PHACTR3: variants seen among roughly 807,000 people sequenced by gnomAD.
The protein encoded by PHACTR3 is phosphatase and actin regulator 3, also known as protein phosphatase 1, regulatory subunit 123.
Under a neutral mutation model 66.8 loss-of-function variants are expected in PHACTR3, and 16 were observed. That is an observed-to-expected ratio of 0.24 (90% CI 0.16 to 0.36). PHACTR3 has a LOEUF of 0.36. Among genes scored for constraint, PHACTR3 ranks in the 10% least tolerant of loss-of-function variants. The pLI is 1.00. For missense variants in PHACTR3, 647 were observed against 719.9 expected, an observed-to-expected ratio of 0.90 and a Z score of 1.16; for synonymous variants, 323 against 292.1, an observed-to-expected ratio of 1.11 and a Z score of -1.08.
intron 8 of PHACTR3, among the ~76,000 whole-genome samples, chr20:59,827,091 C>T (rs927343027): frequency 6.6e-6 from 1 of 152,040 alleles, no homozygotes; most frequent in African/African-American, 2.4e-5. Context: ...CTGGATGTCC[C>T]TTGGTGTCCA....
chr20:59,629,136 G>T (rs4812119), intron 1 of PHACTR3, among the ~76,000 whole-genome samples: 1 of 152,102 alleles, frequency 6.6e-6, no homozygotes. Flanking sequence ...ATAATGAGGC[G>T]CCAGGCCCCT....
chr20:59,786,756 T>C lies in PHACTR3; in HGVS notation c.1174+12266T>C, dbSNP rs1367888552. Reference sequence around the variant, plus strand: ...GTCCATGGAGCTCTTTCTGTGCAGTTGACAGATGTCCGTGGAGCTCTCTCT... The same window carrying C: ...GTCCATGGAGCTCTTTCTGTGCAGTCGACAGATGTCCGTGGAGCTCTCTCT... On this transcript the variant is annotated intron_variant, in intron 7 of 12. Transcript: ENST00000371015. 2.6e-5 allele frequency among the ~76,000 whole-genome samples: 4 copies of C among 151,866 alleles called. No individual in the cohort carries two copies. The East Asian group carries it at 7.7e-4, about 29-fold the overall frequency.
intron 4 of PHACTR3, among the ~76,000 whole-genome samples, chr20:59,761,889 C>T (rs1055821396): frequency 1.3e-5 from 2 of 152,250 alleles, no homozygotes; most frequent in African/African-American, 4.8e-5. Flanking sequence ...TCTGCTGGTC[C>T]AGCCCCAAGG....
chr20:59,731,946 A>G (rs2038780907), intron 1 of PHACTR3, among the ~76,000 whole-genome samples: 1 of 152,196 alleles, frequency 6.6e-6, no homozygotes, highest in African/African-American at 2.4e-5. Context: ...CAAAGTTCTT[A>G]GTCCTGGGTT....
rs142921641 is a variant in PHACTR3, at chr20:59,755,220, C to T, written c.397C>T (p.Arg133Ter). 2.5e-6 allele frequency: 4 copies of T among 1,613,618 alleles called. No homozygotes were observed. Among genetic ancestry groups the T allele is most frequent in the African/African-American group, 2.7e-5 (2 of 74,936 alleles). ...AACTTGCAACCCCGATGGAGGACCC[C>T]GATCTGTACAGAGTGAACCACCCAC... Reference protein sequence around the residue: ...SKTCNPDGGPRSVQSEPPTPK... With the variant: ...SKTCNPDGGP The change falls in exon 4 of 13, where the codon CGA (arginine) becomes TGA (stop). Residue 133 changes from arginine to a stop codon, truncating the protein, a stop_gained. Coordinates refer to ENST00000371015, the MANE Select transcript of PHACTR3 (RefSeq NM_080672.5). LOFTEE classifies it high-confidence loss of function.
chr20:59,747,647 C>T, intron 2 of PHACTR3, 111 bp from the exon 3 acceptor site: 2 of 1,278,114 alleles, frequency 1.6e-6, no homozygotes, highest in Non-Finnish European at 2.2e-6. Context: ...GAGGCGCCTG[C>T]TAGCTCAGTG....
chr20:59,733,072 CTT>C (rs35384852), intron 1 of PHACTR3, among the ~76,000 whole-genome samples: 71,029 of 127,698 alleles, frequency 0.56, 17,993 homozygotes, highest in East Asian at 0.71. Flanking sequence ...AAATTCACTC[CTT>C]TTTTTTTTTT....
At chr20:59,841,609 T>C (rs2059062848) in intron 11 of PHACTR3, 74 bp downstream of exon 11, 3 of 1,498,970 alleles carry the variant, frequency 2.0e-6, no homozygotes, top group East Asian at 2.4e-5. Context: ...CCAGGGAGTT[T>C]ATTCATAGAC....
upstream of PHACTR3, among the ~76,000 whole-genome samples, chr20:59,601,916 T>C (rs187044340): frequency 2.0e-5 from 3 of 152,302 alleles, no homozygotes; most frequent in African/African-American, 7.2e-5. Flanking sequence ...AGTCTTATCC[T>C]TTTATATGTT....
intron 4 of PHACTR3, among the ~76,000 whole-genome samples, chr20:59,760,256 A>G (rs2146841037): frequency 6.6e-6 from 1 of 152,108 alleles, no homozygotes; most frequent in South Asian, 2.1e-4. Flanking sequence ...TTTGACCATT[A>G]TTTTCCTTGA....
chr20:59,635,833 G>A (rs1433351179), intron 1 of PHACTR3, among the ~76,000 whole-genome samples: 1 of 152,344 alleles, frequency 6.6e-6, no homozygotes, highest in African/African-American at 2.4e-5. Context: ...TGGCTGCAGG[G>A]TGCTCGGTGT....
At chr20:59,675,563 G>A (rs549683377) in intron 1 of PHACTR3, among the ~76,000 whole-genome samples, 1 of 152,300 alleles carries the variant, frequency 6.6e-6, no homozygotes, top group Admixed American at 6.5e-5. Context: ...TATGGAGTAG[G>A]GGTCCTGGTT....
At chr20:59,712,629 A>G (rs1170339904) in intron 1 of PHACTR3, among the ~76,000 whole-genome samples, 1 of 152,190 alleles carries the variant, frequency 6.6e-6, no homozygotes, top group Non-Finnish European at 1.5e-5. Flanking sequence ...ATAGCCCATC[A>G]TAGCATTGGC....
At chr20:59,756,188 C>T (rs11086676) in intron 4 of PHACTR3, among the ~76,000 whole-genome samples, 87,543 of 152,076 alleles carry the variant, frequency 0.58, 27,026 homozygotes, top group Non-Finnish European at 0.68. Flanking sequence ...TTCACCAGCT[C>T]CTCCTCCTCC....
At chr20:59,698,233 T>C (rs1192097897) in intron 1 of PHACTR3, among the ~76,000 whole-genome samples, 1 of 152,092 alleles carries the variant, frequency 6.6e-6, no homozygotes, top group Admixed American at 6.6e-5. Flanking sequence ...TTTGTAAACC[T>C]ACCCACCCCA....
At chr20:59,640,829 A>G (rs1315795729) in intron 1 of PHACTR3, among the ~76,000 whole-genome samples, 1 of 152,208 alleles carries the variant, frequency 6.6e-6, no homozygotes, top group Non-Finnish European at 1.5e-5. Context: ...TCATTGCAAA[A>G]GAATCTTAAA....
intron 1 of PHACTR3, among the ~76,000 whole-genome samples, chr20:59,640,140 G>A (rs2035052065): frequency 1.3e-5 from 2 of 152,234 alleles, no homozygotes; most frequent in African/African-American, 2.4e-5. Context: ...CCCTGGGTCA[G>A]CCCGTCAGCA....
At chr20:59,710,462 C>T (rs1368593851) in intron 1 of PHACTR3, among the ~76,000 whole-genome samples, 1 of 152,180 alleles carries the variant, frequency 6.6e-6, no homozygotes, top group Non-Finnish European at 1.5e-5. Flanking sequence ...ATCATCGTAA[C>T]CAGCAAAATG....
At chr20:59,677,012 T>G (rs553915395) in intron 1 of PHACTR3, among the ~76,000 whole-genome samples, 1 of 151,994 alleles carries the variant, frequency 6.6e-6, no homozygotes, top group Non-Finnish European at 1.5e-5. Context: ...GGATCAGCCC[T>G]GGGTTTCTGG....
Sources: gnomAD v4.1 joint callset for allele counts (sites outside exome capture counted in the v4.1 genomes callset) on GRCh38, gnomAD v4.1.1 for gene constraint, MANE v1.5 for transcripts, NCBI Gene and HGNC (gene_info 2026-07-23, HGNC 2026-07-21) for gene names.